The following TTN variants were observed in gnomAD, a reference collection of about 807,000 sequenced individuals.
TTN encodes connectin.
Under a neutral mutation model 3,223.0 loss-of-function variants are expected in TTN, and 1,525 were observed. That is an observed-to-expected ratio of 0.47 (90% CI 0.45 to 0.49). The LOEUF (loss-of-function observed/expected upper bound fraction) is 0.49, where lower values mean the gene tolerates loss of function less well. Ranked by LOEUF, TTN falls within the 20% of genes least tolerant of loss-of-function variation. The pLI is 0.00. For synonymous variants in TTN, 14,094 were observed against 15,161.0 expected (o/e 0.93, Z 5.17); for missense variants, 40,786 against 43,424.0 (o/e 0.94, Z 5.40).
At chr2:178,778,281 A>G (rs1478728508) in intron 24 of TTN, 7 of 352,534 alleles carry the variant, frequency 2.0e-5, no homozygotes. Flanking sequence ...CAGTCACTAG[A>G]CTTTTTTGAT....
chr2:178,584,974 T>C lies in TTN; in HGVS notation c.64673-6A>G. 1.2e-6 allele frequency: 2 copies of C among 1,612,198 alleles called. No individual in the cohort carries two copies. Among genetic ancestry groups the C allele is most frequent in the Non-Finnish European group, 8.5e-7 (1 of 1,179,262 alleles). ...CTGAGGGGGGCCGGGGGCATCTACA[T>C]GAACCAAGAGGAAAGAAATGTAAGA... On this transcript the variant is annotated splice_polypyrimidine_tract_variant and splice_region_variant and intron_variant, in intron 309 of 362. Transcript: ENST00000589042.
At chr2:178,747,299 TC>T in intron 47 of TTN, 1 of 1,613,298 alleles carries the variant, frequency 6.2e-7, no homozygotes, top group Non-Finnish European at 8.5e-7. Context: ...TTCAGCAACT[TC>T]CCCTAAAGGT....
In TTN at chr2:178,549,130, G is replaced by A. The variant is rs766124375; in HGVS notation, c.92496C>T (p.Asp30832=). ...PGPPTVVKVT[D]TSKTTVSLEW... ...CTAAGCTCACAGTTGTCTTTGATGT[G>A]TCTGTTACTTTGACCACTGTGGGAG... Residue 30832 remains aspartate, a synonymous_variant, in exon 339 of 363, where the codon GAC becomes GAT. Transcript: ENST00000589042. 20 of 1,613,724 alleles carry A rather than the reference G, an allele frequency of 1.2e-5. No individual in the cohort carries two copies. Among genetic ancestry groups the A allele is most frequent in the Middle Eastern group, 3.3e-4 (2 of 6,082 alleles).
At chr2:178,595,357 A>G (rs2051265701) in intron 295 of TTN, 150 bp downstream of exon 295, 1 of 711,792 alleles carries the variant, frequency 1.4e-6, no homozygotes, top group African/African-American at 1.8e-5. Flanking sequence ...CACTGTCCAA[A>G]TACTACCAAA....
chr2:178,612,014 A>G, intron 267 of TTN, 43 bp downstream of exon 267: 1 of 1,602,712 alleles, frequency 6.2e-7, no homozygotes, highest in Non-Finnish European at 8.5e-7. Context: ...AAGAATTTGC[A>G]GCCAAGTGTA....
In TTN at chr2:178,578,139, T is replaced by C. The variant is rs2046863112; in HGVS notation, c.68376A>G (p.Arg22792=). The change falls in exon 322 of 363, where the codon AGA becomes AGG. Residue 22792 remains arginine (R), a synonymous_variant. Coordinates refer to ENST00000589042, the MANE Select transcript of TTN (RefSeq NM_001267550.2). ...TCATCCTTATCGGAGTCTTGTTAGC[T>C]CTCTTCCACAAAAGGCTGTTTCTTT... ...FKERNSLLWK[R]ANKTPIRMRD... is the part of the protein sequence containing the mutation. 1 of 1,612,976 alleles carries C rather than the reference T, an allele frequency of 6.2e-7. No individual in the cohort carries two copies.
At position 178,727,656 on chromosome 2, in the gene TTN, G is replaced by T. The variant is rs747240394; in HGVS notation, c.19922C>A (p.Thr6641Asn). 6.0e-5 allele frequency: 96 copies of T among 1,612,778 alleles called. No individual in the cohort carries two copies. In the Admixed American group the frequency reaches 1.6e-3, roughly 27 times the overall value. Residue 6641 changes from threonine to asparagine, a missense_variant, in exon 68 of 363, where the codon ACT becomes AAT. Coordinates refer to ENST00000589042, the MANE Select transcript of TTN (RefSeq NM_001267550.2). ...GGTAACATGGCAAGTATACTGTCCA[G>T]TCTTAGAAGCATCCACTGAGTAGAG... The part of the protein sequence containing the change: ...LNLYSVDASK[T>N]GQYTCHVTND...
At position 178,590,237 on chromosome 2, in the gene TTN, A is replaced by C. The variant is rs886042497; in HGVS notation, c.61488T>G (p.Ile20496Met). The C allele has an allele frequency of 7.5e-6, 12 of 1,591,474 alleles. No homozygotes were observed. The highest frequency in any genetic ancestry group is 3.5e-5 in the Admixed American group (2 of 57,856). ...ITVRVGQTIR[I>M]LARVKGRPEP... ...CAGGTCTGCCTTTGACTCGAGCTAG[A>C]ATGCGGATAGTTTGGCCTACTCTCA... The change falls in exon 304 of 363, where the codon ATT becomes ATG. Residue 20496 changes from isoleucine to methionine, a missense_variant. Coordinates refer to ENST00000589042, the MANE Select transcript of TTN (RefSeq NM_001267550.2).
Position 178,545,552 on chromosome 2 carries a change from C to T in TTN, c.95558G>A (p.Arg31853His), listed in dbSNP as rs754151944. The T allele has an allele frequency of 2.3e-5, 37 of 1,613,622 alleles. No individual in the cohort carries two copies. The highest frequency in any genetic ancestry group is 6.7e-5 in the East Asian group (3 of 44,876). Residue 31853 changes from arginine (R) to histidine (H), a missense_variant, in exon 344 of 363, where the codon CGC becomes CAC. Arg to His is a conservative substitution (Grantham distance 29). Coordinates refer to ENST00000589042, the MANE Select transcript of TTN (RefSeq NM_001267550.2). The part of the protein sequence containing the change: ...LVDKREKKSL[R>H]WTRVNKDYVV... ...ATAGTCTTTGTTGACACGTGTCCAG[C>T]GCAGGCTCTTCTTCTCACGTTTGTC...
At position 178,584,819 on chromosome 2, in the gene TTN, C is replaced by T; in HGVS notation, c.64822G>A (p.Val21608Ile). Residue 21608 changes from valine (V) to isoleucine (I), a missense_variant, in exon 310 of 363, where the codon GTC (valine) becomes ATC (isoleucine). Physicochemically the swap from Val to Ile is conservative, Grantham distance 29. Transcript: ENST00000589042. ...TTTGTGACTGAAGCTAGAGCCGTGA[C>T]CCAGTCACCTCGGCTTACATCACAC... is the stretch of plus-strand genomic sequence containing the variant. ...EKCDVSRGDWVTALASVTKTS... is the reference protein window; with the variant it reads ...EKCDVSRGDWITALASVTKTS... 1 of 1,613,380 alleles carries T rather than the reference C, an allele frequency of 6.2e-7. No individual in the cohort carries two copies. The highest frequency in any genetic ancestry group is 8.5e-7 in the Non-Finnish European group (1 of 1,179,534).
At chr2:178,718,650 T>A in intron 84 of TTN, 45 bp downstream of exon 84, 3 of 1,603,330 alleles carry the variant, frequency 1.9e-6, no homozygotes, top group Non-Finnish European at 2.6e-6. Context: ...AATGAAGACT[T>A]AAGAGAAATT....
At chr2:178,663,739 A>C (rs1489827403) in intron 170 of TTN, 29 bp from the exon 171 acceptor site, 23 of 1,612,744 alleles carry the variant, frequency 1.4e-5, no homozygotes, top group Non-Finnish European at 1.9e-5. Context: ...AATTACATTC[A>C]GAAGTTATGA....
rs766548354 is a variant in TTN, at chr2:178,724,075, T to C, written c.21184A>G (p.Ile7062Val). The C allele has an allele frequency of 1.2e-6, 2 of 1,613,434 alleles. No individual in the cohort carries two copies. The highest frequency in any genetic ancestry group is 2.2e-5 in the East Asian group (1 of 44,806). Residue 7062 changes from isoleucine to valine, a missense_variant, in exon 73 of 363, where the codon ATC (isoleucine) becomes GTC (valine). By Grantham distance (29) the Ile-to-Val change is conservative (BLOSUM62 3). Transcript: ENST00000589042. Reference sequence around the variant, plus strand: ...GATCCAGCTACTTTGCATTCCAAGATGCAAGAAGCACCTAACACCCCACCA... The same window carrying C: ...GATCCAGCTACTTTGCATTCCAAGACGCAAGAAGCACCTAACACCCCACCA... ...NTGGVLGASC[I>V]LECKVAGSSP...
In TTN at chr2:178,527,157, C is replaced by T; in HGVS notation, c.107831G>A (p.Arg35944Lys). ...GTCATCTGTGTTTTCAATGTGGAAC[C>T]TCCCCTGTTCTTGACTGTGGATTTT... ...GRKIHSQEQG[R>K]FHIENTDDLT... Residue 35944 changes from arginine to lysine, a missense_variant, in exon 363 of 363, where the codon AGG becomes AAG. Arg to Lys is a conservative substitution (Grantham distance 26, BLOSUM62 2). Coordinates refer to ENST00000589042, the MANE Select transcript of TTN (RefSeq NM_001267550.2). 6.2e-7 allele frequency: 1 copy of T among 1,613,926 alleles called. No individual in the cohort carries two copies. The highest frequency in any genetic ancestry group is 8.5e-7 in the Non-Finnish European group (1 of 1,179,858).
In TTN at chr2:178,604,977, A is replaced by G. The variant is rs1422834169; in HGVS notation, c.54190+10T>C. 2 of 1,589,194 alleles carry G rather than the reference A, an allele frequency of 1.3e-6. No homozygotes were observed. The highest frequency in any genetic ancestry group is 1.1e-5 in the South Asian group (1 of 87,224). On this transcript the variant is annotated intron_variant, in intron 280 of 362. Coordinates refer to ENST00000589042, the MANE Select transcript of TTN (RefSeq NM_001267550.2). Reference sequence around the variant, plus strand: ...GATGCCTTTTTGATGTAAGAAAGCAAGTCACTTACCATATACTTCAACGTG... The same window carrying G: ...GATGCCTTTTTGATGTAAGAAAGCAGGTCACTTACCATATACTTCAACGTG...
At chr2:178,704,988 G>C in intron 103 of TTN, 22 bp from the exon 104 acceptor site, 7 of 1,609,444 alleles carry the variant, frequency 4.3e-6, no homozygotes, top group Non-Finnish European at 5.9e-6. Context: ...AAAAATGATA[G>C]GCATTACAGA....
chr2:178,578,893 C>G lies in TTN; in HGVS notation c.68137G>C (p.Glu22713Gln), dbSNP rs895744220. 1.9e-6 allele frequency: 3 copies of G among 1,613,194 alleles called. No individual in the cohort carries two copies. The East Asian group carries it at 6.7e-5, about 36-fold the overall frequency. Reference protein sequence around the residue: ...FRVTRLHEGMEYTFRVSAENK... With the variant: ...FRVTRLHEGMQYTFRVSAENK... ...TCGGCACTGACCCTGAAGGTATATT[C>G]CATGCCCTCATGAAGTCTGGTTACT... Residue 22713 changes from glutamate to glutamine, a missense_variant, in exon 320 of 363, where the codon GAA becomes CAA. Physicochemically the swap from Glu to Gln is conservative, Grantham distance 29. Transcript: ENST00000589042.
chr2:178,587,879 A>C lies in TTN; in HGVS notation c.63508+20T>G, dbSNP rs751534267. On this transcript the variant is annotated intron_variant, in intron 305 of 362. Coordinates refer to ENST00000589042, the MANE Select transcript of TTN (RefSeq NM_001267550.2). ...AAGAAATTAAGTGTGAATGAATCAC[A>C]TGCTAAGGGAAGGACTTACCTAGTA... 1.9e-6 allele frequency: 3 copies of C among 1,572,932 alleles called. No individual in the cohort carries two copies. The South Asian group carries it at 3.6e-5, about 19-fold the overall frequency.
chr2:178,582,179 TAAC>T lies in TTN; in HGVS notation c.66187_66189del (p.Val22063del). 6.2e-7 allele frequency: 1 copy of T among 1,612,812 alleles called. No homozygotes were observed. Among genetic ancestry groups the T allele is most frequent in the Non-Finnish European group, 8.5e-7 (1 of 1,179,424 alleles). On this transcript the variant is annotated inframe_deletion, in exon 315 of 363. Transcript: ENST00000589042. ...ATGTGATCTTTGGTTATGTTGCTAA[TAAC>T]AGGAGGATCACAGCGTCCTGGTGGG...
Sources: allele counts gnomAD v4.1 joint callset, GRCh38; gene constraint gnomAD v4.1.1; transcripts MANE v1.5; gene names NCBI Gene and HGNC (gene_info 2026-07-23, HGNC 2026-07-21).